Variants in EYS observed in about 807,000 individuals in gnomAD.
EYS encodes the protein protein eyes shut homolog.
EYS carries 250 observed loss-of-function variants against 282.1 expected under a neutral mutation model. The ratio of observed to expected loss-of-function variants is 0.89; its 90% CI spans 0.80 to 0.98. The LOEUF is 0.98. Among genes scored for constraint, EYS ranks in the 50% least tolerant of loss-of-function variants. The probability of loss-of-function intolerance (pLI) is 0.00; values close to 1 mark genes in which losing one functional copy is unlikely to be tolerated. For synonymous variants in EYS, 1,355 were observed against 1,282.9 expected (o/e 1.06, Z -1.20); for missense variants, 4,016 against 3,709.0 (o/e 1.08, Z -2.15).
chr6:63,734,564 A>G (rs1029091), intron 41 of EYS, among the ~76,000 whole-genome samples: 51,181 of 152,004 alleles, frequency 0.34, 8,683 homozygotes, highest in Admixed American at 0.39. Flanking sequence ...TCAGAGAAGT[A>G]GCAGTGGAGG....
intron 35 of EYS, among the ~76,000 whole-genome samples, chr6:63,963,250 G>C (rs1426225221): frequency 1.3e-5 from 2 of 151,128 alleles, no homozygotes; most frequent in Admixed American, 6.6e-5. Flanking sequence ...TTGTGCACAT[G>C]TACCCTAAAA....
At chr6:63,734,411 A>C (rs958576127) in intron 41 of EYS, among the ~76,000 whole-genome samples, 4 of 152,166 alleles carry the variant, frequency 2.6e-5, no homozygotes, top group African/African-American at 9.6e-5. Flanking sequence ...TGAGCAGAGG[A>C]GTGTCATCAT....
At chr6:65,314,215 C>T (rs1396910676) in intron 11 of EYS, among the ~76,000 whole-genome samples, 3 of 151,374 alleles carry the variant, frequency 2.0e-5, no homozygotes, top group Non-Finnish European at 4.4e-5. Context: ...AATGATCACC[C>T]CATTTAAAAT....
chr6:64,896,298 G>A (rs1390206564), intron 18 of EYS, among the ~76,000 whole-genome samples: 1 of 152,080 alleles, frequency 6.6e-6, no homozygotes, highest in East Asian at 1.9e-4. Context: ...CAGATGCAGG[G>A]TGGGGCACTG....
chr6:65,472,513 G>C (rs964633167), intron 5 of EYS, among the ~76,000 whole-genome samples: 1 of 151,942 alleles, frequency 6.6e-6, no homozygotes, highest in Non-Finnish European at 1.5e-5. Flanking sequence ...TGAATAACAT[G>C]CCTTGAATTT....
intron 12 of EYS, among the ~76,000 whole-genome samples, chr6:65,177,667 G>T (rs1765259987): frequency 6.6e-6 from 1 of 151,756 alleles, no homozygotes; most frequent in Middle Eastern, 3.4e-3. Context: ...TTCAGAGATG[G>T]CTTTAACCAG....
intron 2 of EYS, among the ~76,000 whole-genome samples, chr6:65,569,244 C>G (rs569747973): frequency 3.9e-5 from 6 of 152,072 alleles, no homozygotes; most frequent in African/African-American, 1.2e-4. Context: ...AGAACTACCC[C>G]CTTTGACTGT....
intron 12 of EYS, among the ~76,000 whole-genome samples, chr6:65,287,358 C>T (rs1424323934): frequency 6.6e-6 from 1 of 151,392 alleles, no homozygotes; most frequent in East Asian, 1.9e-4. Flanking sequence ...CCCTTGGGGT[C>T]ACTTCCCAAG....
chr6:65,137,882 A>G (rs765871181), intron 12 of EYS, among the ~76,000 whole-genome samples: 13 of 152,128 alleles, frequency 8.5e-5, no homozygotes, highest in Non-Finnish European at 1.6e-4. Flanking sequence ...AAACATTTAC[A>G]TACTAAGGTA....
chr6:64,605,499 C>G (rs1341767852), intron 24 of EYS, among the ~76,000 whole-genome samples: 1 of 151,794 alleles, frequency 6.6e-6, no homozygotes, highest in African/African-American at 2.4e-5. Context: ...TGCAAATTAT[C>G]AGTGTGACTA....
intron 5 of EYS, among the ~76,000 whole-genome samples, chr6:65,481,606 T>C (rs141846727): frequency 6.6e-6 from 1 of 152,218 alleles, no homozygotes; most frequent in Admixed American, 6.5e-5. Context: ...TGAAGTGCAG[T>C]GGCGCGATCT....
chr6:65,069,894 C>T (rs1262390119), intron 12 of EYS, among the ~76,000 whole-genome samples: 1 of 151,800 alleles, frequency 6.6e-6, no homozygotes, highest in African/African-American at 2.4e-5. Context: ...CATTATCTTT[C>T]TCCCAAACCT....
Position 65,019,479 on chromosome 6 carries a change from T to A in EYS, c.2138-21776A>T, listed in dbSNP as rs185559239. On this transcript the variant is annotated intron_variant, in intron 13 of 42. Coordinates refer to ENST00000503581, the MANE Select transcript of EYS (RefSeq NM_001142800.2). ...TTAAGTAGACACGTGATCTTAGGCA[T>A]ATGACATTTCCATGCCTCTGATTTC... Among the ~76,000 whole-genome samples, 16 of 152,320 alleles carry A rather than the reference T, an allele frequency of 1.1e-4. No homozygotes were observed. In the East Asian group the frequency reaches 2.9e-3, roughly 28 times the overall value.
intron 8 of EYS, among the ~76,000 whole-genome samples, chr6:65,358,152 T>A (rs529621045): frequency 6.6e-6 from 1 of 152,146 alleles, no homozygotes; most frequent in African/African-American, 2.4e-5. Context: ...TTTGATTTTT[T>A]AAATTTATTT....
At chr6:65,661,608 T>C (rs1431164865) in intron 1 of EYS, among the ~76,000 whole-genome samples, 1 of 152,056 alleles carries the variant, frequency 6.6e-6, no homozygotes, top group Non-Finnish European at 1.5e-5. Flanking sequence ...AATTGCATTA[T>C]ACACTATTTC....
intron 35 of EYS, among the ~76,000 whole-genome samples, chr6:63,945,848 A>C (rs2149761058): frequency 6.6e-6 from 1 of 152,296 alleles, no homozygotes; most frequent in East Asian, 1.9e-4. Flanking sequence ...TTATGAGTAA[A>C]CACCACCTCA....
chr6:65,214,158 C>CAAAAAAAAAAAA (rs58213904), intron 12 of EYS, among the ~76,000 whole-genome samples: 1 of 29,242 alleles, frequency 3.4e-5, no homozygotes, highest in Non-Finnish European at 5.5e-5. Context: ...GACTCCGTCT[C>CAAAAAAAAAAAA]AAAAAAAAAA....
chr6:64,910,542 C>T (rs548316138), intron 16 of EYS, among the ~76,000 whole-genome samples: 9 of 152,114 alleles, frequency 5.9e-5, no homozygotes, highest in Admixed American at 1.3e-4. Context: ...GAATCACAAT[C>T]ACAAAGGAAT....
chr6:65,056,329 T>C (rs541351089), intron 13 of EYS, among the ~76,000 whole-genome samples: 1 of 152,200 alleles, frequency 6.6e-6, no homozygotes, highest in African/African-American at 2.4e-5. Context: ...ATTTTTTAAA[T>C]TGAAGAATGT....
Sources: gnomAD v4.1 joint callset for allele counts (sites outside exome capture counted in the v4.1 genomes callset) on GRCh38, gnomAD v4.1.1 for gene constraint, MANE v1.5 for transcripts, NCBI Gene and HGNC (gene_info 2026-07-23, HGNC 2026-07-21) for gene names.